SLC16A7: variants seen among roughly 807,000 people sequenced by gnomAD.
SLC16A7 encodes monocarboxylate transporter 2.
SLC16A7 carries 33 observed loss-of-function variants against 34.9 expected under a neutral mutation model. The observed-to-expected ratio is 0.94, with a 90% CI of 0.72 to 1.26. The LOEUF (loss-of-function observed/expected upper bound fraction) is 1.26, where lower values mean the gene tolerates loss of function less well. SLC16A7 is among the 50% of genes most tolerant of loss of function. SLC16A7 has a pLI of 0.00. For missense variants in SLC16A7, 573 were observed against 578.1 expected (o/e 0.99, Z 0.09); for synonymous variants, 201 against 206.6 (o/e 0.97, Z 0.23).
intron 2 of SLC16A7, among the ~76,000 whole-genome samples, chr12:59,683,924 C>G (rs747364826): frequency 1.6e-4 from 24 of 152,098 alleles, no homozygotes; most frequent in Non-Finnish European, 1.0e-4. Context: ...TATTACATAC[C>G]ATTAAAAATT....
chr12:59,767,661 G>T (rs945439049), intron 3 of SLC16A7, among the ~76,000 whole-genome samples: 1 of 151,988 alleles, frequency 6.6e-6, no homozygotes, highest in African/African-American at 2.4e-5. Context: ...CTGCTGCTAA[G>T]AAAAAAAGTT....
chr12:59,757,266 A>G (rs1192515993), intron 3 of SLC16A7, among the ~76,000 whole-genome samples: 3 of 151,886 alleles, frequency 2.0e-5, no homozygotes, highest in African/African-American at 7.3e-5. Context: ...TAATAATAAA[A>G]TAAAATAAAA....
rs556384833 is a variant in SLC16A7 at position 59,612,778 on chromosome 12, A to G, written c.-130+16542A>G. Among the ~76,000 whole-genome samples, 289 of 152,358 alleles carry G rather than the reference A, an allele frequency of 1.9e-3. 3 individuals are homozygous for G. Among genetic ancestry groups the G allele is most frequent in the Non-Finnish European group, 3.2e-3 (220 of 68,038 alleles). On this transcript the variant is annotated intron_variant, in intron 1 of 5. Coordinates refer to ENST00000547379, the MANE Select transcript of SLC16A7 (RefSeq NM_001270623.2). ...ATGCTACCAGTCTGTTTGCATAGCA[A>G]GAGTGACCTTTACTCCAGTTCCCAA...
chr12:59,640,648 T>G (rs1480790907), intron 1 of SLC16A7, among the ~76,000 whole-genome samples: 1 of 152,144 alleles, frequency 6.6e-6, no homozygotes, highest in African/African-American at 2.4e-5. Context: ...GTGTAGGATT[T>G]TTTTTCAATG....
intron 1 of SLC16A7, among the ~76,000 whole-genome samples, chr12:59,614,829 A>AAAG (rs1879368097): frequency 6.9e-6 from 1 of 144,398 alleles, no homozygotes; most frequent in Admixed American, 6.9e-5. Flanking sequence ...CCTACTAAAA[A>AAAG]AAAAAAAAAA....
At position 59,706,362 on chromosome 12, in the gene SLC16A7, CTGTG is replaced by C. The variant is rs35397986; in HGVS notation, c.217+1364_217+1367del. Among the ~76,000 whole-genome samples the C allele has an allele frequency of 1.8e-3, 273 of 150,216 alleles. 5 individuals carry two copies. The East Asian group carries it at 0.037, about 20-fold the overall frequency. The stretch of plus-strand genomic sequence containing the variant: ...AAACAGTTGATCCTGAAATAATTCC[CTGTG>C]TGTGTGTGTGTGTGTGTGTTTATGT... On this transcript the variant is annotated intron_variant, in intron 3 of 5. Transcript: ENST00000547379.
At chr12:59,648,342 G>T (rs927489584) in intron 1 of SLC16A7, among the ~76,000 whole-genome samples, 2 of 152,136 alleles carry the variant, frequency 1.3e-5, no homozygotes, top group Non-Finnish European at 2.9e-5. Flanking sequence ...ACTTCTTGTT[G>T]CAAGAAGACA....
At chr12:59,732,085 T>C (rs1460013898) in intron 3 of SLC16A7, among the ~76,000 whole-genome samples, 3 of 151,868 alleles carry the variant, frequency 2.0e-5, no homozygotes, top group African/African-American at 7.3e-5. Flanking sequence ...TTTCCATATA[T>C]ATAGAGAAAA....
chr12:59,625,959 A>G (rs950645771), intron 1 of SLC16A7, among the ~76,000 whole-genome samples: 1 of 151,862 alleles, frequency 6.6e-6, no homozygotes, highest in African/African-American at 2.4e-5. Flanking sequence ...ATTTTTTCCA[A>G]AAAGTTACAT....
intron 3 of SLC16A7, among the ~76,000 whole-genome samples, chr12:59,765,983 T>C (rs1305446598): frequency 6.6e-6 from 1 of 152,180 alleles, no homozygotes; most frequent in Non-Finnish European, 1.5e-5. Flanking sequence ...TGTTCTTCCA[T>C]TTGTTTGTAT....
intron 5 of SLC16A7, 64 bp from the exon 6 acceptor site, chr12:59,779,359 T>A (rs1883059110): frequency 8.1e-7 from 1 of 1,237,142 alleles, no homozygotes; most frequent in African/African-American, 1.5e-5. Context: ...ATAATTTATT[T>A]GAATTTTTAT....
rs1200284212 is a variant in SLC16A7 at position 59,745,383 on chromosome 12, G to A, written c.218-25836G>A. Among the ~76,000 whole-genome samples, 4 of 152,256 alleles carry A rather than the reference G, an allele frequency of 2.6e-5. No homozygotes were observed. In the East Asian group the frequency reaches 5.8e-4, roughly 22 times the overall value. ...TTGGGAATGGATGTTGGAGAATCAA[G>A]CATAGTATCCACTACAATGATGATA... On this transcript the variant is annotated intron_variant, in intron 3 of 5. Transcript: ENST00000547379.
intron 1 of SLC16A7, among the ~76,000 whole-genome samples, chr12:59,605,230 T>G (rs1878881492): frequency 6.6e-6 from 1 of 152,186 alleles, no homozygotes; most frequent in African/African-American, 2.4e-5. Context: ...AAGGCTTCCT[T>G]ACTATTTGAA....
intron 3 of SLC16A7, 49 bp downstream of exon 3, chr12:59,705,067 C>G: frequency 7.8e-7 from 1 of 1,284,188 alleles, no homozygotes; most frequent in Non-Finnish European, 1.1e-6. Flanking sequence ...AATAATTCCT[C>G]CATGTCACAA....
At chr12:59,620,140 T>C (rs919215902) in intron 1 of SLC16A7, among the ~76,000 whole-genome samples, 3 of 151,928 alleles carry the variant, frequency 2.0e-5, no homozygotes, top group African/African-American at 7.2e-5. Flanking sequence ...TGTGGTTTTT[T>C]TTTTCTCCTC....
intron 3 of SLC16A7, chr12:59,769,416 T>C (rs1882005878): frequency 2.0e-5 from 3 of 152,248 alleles, no homozygotes; most frequent in Non-Finnish European, 4.4e-5. Context: ...CTTTACCATG[T>C]TAGGGACAGA....
chr12:59,774,417 TC>T (rs1882528212), intron 4 of SLC16A7, among the ~76,000 whole-genome samples: 1 of 152,204 alleles, frequency 6.6e-6, no homozygotes, highest in African/African-American at 2.4e-5. Flanking sequence ...ATTCTCAATT[TC>T]ATTTTTGTGC....
chr12:59,673,432 T>C (rs1870049168), intron 2 of SLC16A7, among the ~76,000 whole-genome samples: 1 of 151,804 alleles, frequency 6.6e-6, no homozygotes, highest in African/African-American at 2.4e-5. Flanking sequence ...CCTAACTCAG[T>C]AGGTAGGACC....
chr12:59,680,931 A>G (rs559383426), intron 2 of SLC16A7, among the ~76,000 whole-genome samples: 11 of 152,340 alleles, frequency 7.2e-5, no homozygotes, highest in African/African-American at 2.6e-4. Flanking sequence ...AAGAGAGGTC[A>G]AATGAGTTTT....
Sources: gnomAD v4.1 joint callset for allele counts (sites outside exome capture counted in the v4.1 genomes callset) on GRCh38, gnomAD v4.1.1 for gene constraint, MANE v1.5 for transcripts, NCBI Gene and HGNC (gene_info 2026-07-23, HGNC 2026-07-21) for gene names.